Variants in SESN3 observed in about 807,000 individuals in gnomAD.
SESN3 encodes sestrin 3.
SESN3 carries 21 observed loss-of-function variants against 55.3 expected under a neutral mutation model. The ratio of observed to expected loss-of-function variants is 0.38; its 90% CI spans 0.27 to 0.55. SESN3 has a LOEUF of 0.55. Among genes scored for constraint, SESN3 ranks in the 20% least tolerant of loss-of-function variants. The pLI is 0.76. For missense variants in SESN3, 408 were observed against 604.3 expected, an observed-to-expected ratio of 0.68 and a Z score of 3.41; for synonymous variants, 181 against 203.1, an observed-to-expected ratio of 0.89 and a Z score of 0.93.
chr11:95,211,102 G>T (rs561194142), intron 1 of SESN3, among the ~76,000 whole-genome samples: 1 of 152,312 alleles, frequency 6.6e-6, no homozygotes, highest in South Asian at 2.1e-4. Flanking sequence ...ACTTCCTGGT[G>T]CATAGAAAAG....
chr11:95,184,435 A>G lies in SESN3; in HGVS notation c.922T>C (p.Ser308Pro). ...LFVVSGDTFHSFPHSDFEDDM... is the reference protein window; with the variant it reads ...LFVVSGDTFHPFPHSDFEDDM... ...AAAAAAGCACCTGAATGAGGAAATG[A>G]ATGAAAAGTATCTCCAGAGACCACA... Residue 308 changes from serine (S) to proline (P), a missense_variant, in exon 6 of 10, where the codon TCA (serine) becomes CCA (proline). Physicochemically the swap from Ser to Pro is moderately conservative, Grantham distance 74. Around this residue, in one of 4 missense-constraint regions of SESN3, gnomAD observed 119 missense variants for 139.9 expected, o/e 0.85. Coordinates refer to ENST00000536441, the MANE Select transcript of SESN3 (RefSeq NM_144665.4). 6.2e-7 allele frequency: 1 copy of G among 1,613,576 alleles called. No homozygotes were observed. The highest frequency in any genetic ancestry group is 8.5e-7 in the Non-Finnish European group (1 of 1,179,770).
intron 1 of SESN3, among the ~76,000 whole-genome samples, chr11:95,216,543 T>C (rs147842618): frequency 4.9e-4 from 75 of 152,350 alleles, no homozygotes; most frequent in African/African-American, 1.7e-3. Flanking sequence ...AGGTAATTTC[T>C]TATTCAGTGT....
chr11:95,188,731 A>G (rs1425967127), intron 4 of SESN3, among the ~76,000 whole-genome samples: 1 of 151,888 alleles, frequency 6.6e-6, no homozygotes, highest in Non-Finnish European at 1.5e-5. Context: ...CTTTATTCAT[A>G]CATTCATACA....
chr11:95,169,902 T>C lies in SESN3; in HGVS notation c.*3353A>G, dbSNP rs1232852172. On this transcript the variant is annotated 3_prime_UTR_variant, in exon 10 of 10. Coordinates refer to ENST00000536441, the MANE Select transcript of SESN3 (RefSeq NM_144665.4). ...AATAGGAGCTCTGGTTCAAATTTTA[T>C]AGGATTCTTATATAAAACTTATATT... 2 of 152,230 alleles carry C rather than the reference T, an allele frequency of 1.3e-5. No homozygotes were observed. Among genetic ancestry groups the C allele is most frequent in the Admixed American group, 1.3e-4 (2 of 15,274 alleles). The allele number at this position is 152,230 out of a possible 1,614,324, so 9.4% of individuals were successfully genotyped here. A position where few individuals can be genotyped will look rare whatever the true frequency, so the allele number is the denominator to read the frequency against.
At chr11:95,188,968 CA>C (rs1368950021) in intron 4 of SESN3, among the ~76,000 whole-genome samples, 2 of 151,848 alleles carry the variant, frequency 1.3e-5, no homozygotes, top group Admixed American at 1.3e-4. Context: ...GATTCAGCAT[CA>C]AAATCTGAGA....
intron 1 of SESN3, among the ~76,000 whole-genome samples, chr11:95,225,869 T>C (rs1860938335): frequency 6.6e-6 from 1 of 152,198 alleles, no homozygotes; most frequent in South Asian, 2.1e-4. Context: ...ACAATTTTCC[T>C]TAACTCTTAG....
chr11:95,171,660 C>T lies in SESN3; in HGVS notation c.*1595G>A, dbSNP rs1859851466. 6.6e-6 allele frequency: 1 copy of T among 152,046 alleles called. No homozygotes were observed. Among genetic ancestry groups the T allele is most frequent in the Non-Finnish European group, 1.5e-5 (1 of 67,982 alleles). 9.4% of individuals were successfully genotyped at this position (152,046 alleles called of 1,614,324 possible). ...CGGGAACTCTAACAGAAAATTTTAT[C>T]TATATTATTTACTATGAAAAATGGA... On this transcript the variant is annotated 3_prime_UTR_variant, in exon 10 of 10. Coordinates refer to ENST00000536441, the MANE Select transcript of SESN3 (RefSeq NM_144665.4).
At chr11:95,227,347 A>C (rs904246651) in intron 1 of SESN3, among the ~76,000 whole-genome samples, 2 of 152,110 alleles carry the variant, frequency 1.3e-5, no homozygotes, top group Admixed American at 1.3e-4. Context: ...CTGGGACTAC[A>C]GGCACACGAT....
intron 1 of SESN3, among the ~76,000 whole-genome samples, chr11:95,217,480 C>T (rs922192680): frequency 9.2e-5 from 14 of 151,946 alleles, no homozygotes; most frequent in South Asian, 6.2e-4. Flanking sequence ...GTGAAATCCC[C>T]GTCTCTACTA....
chr11:95,184,898 A>C (rs1258397168), intron 5 of SESN3, among the ~76,000 whole-genome samples: 1 of 152,058 alleles, frequency 6.6e-6, no homozygotes, highest in Admixed American at 6.6e-5. Flanking sequence ...GAGGCAGCAC[A>C]ATTGTTTTAC....
intron 1 of SESN3, among the ~76,000 whole-genome samples, chr11:95,197,824 C>G (rs1860390605): frequency 6.6e-6 from 1 of 152,120 alleles, no homozygotes; most frequent in African/African-American, 2.4e-5. Context: ...CGAAAATGAG[C>G]AACCCATGCA....
At chr11:95,202,170 T>G (rs144936905) in intron 1 of SESN3, among the ~76,000 whole-genome samples, 1,894 of 152,170 alleles carry the variant, frequency 0.012, 20 homozygotes, top group Non-Finnish European at 0.022. Flanking sequence ...GACTATAAGC[T>G]CCTTAAAGAG....
At chr11:95,195,412 T>G (rs1437369933) in intron 1 of SESN3, among the ~76,000 whole-genome samples, 2 of 152,198 alleles carry the variant, frequency 1.3e-5, no homozygotes, top group Non-Finnish European at 2.9e-5. Flanking sequence ...AAACTCAATT[T>G]CATTTGTGTC....
intron 6 of SESN3, among the ~76,000 whole-genome samples, chr11:95,182,871 T>A (rs932557817): frequency 6.6e-5 from 10 of 152,126 alleles, no homozygotes; most frequent in African/African-American, 2.4e-4. Flanking sequence ...TGGGCCTGGA[T>A]GCTGTTTACC....
chr11:95,216,207 A>G (rs1479682860), intron 1 of SESN3, among the ~76,000 whole-genome samples: 1 of 152,200 alleles, frequency 6.6e-6, no homozygotes, highest in Admixed American at 6.5e-5. Context: ...ACCTTCTGTC[A>G]AATAGTTGAT....
intron 1 of SESN3, among the ~76,000 whole-genome samples, chr11:95,194,883 C>A (rs1860332663): frequency 6.6e-6 from 1 of 152,112 alleles, no homozygotes; most frequent in African/African-American, 2.4e-5. Flanking sequence ...ATGATCGCAC[C>A]ACTGCACTCC....
At chr11:95,177,525 A>T (rs2134216949) in intron 8 of SESN3, among the ~76,000 whole-genome samples, 194 bp downstream of exon 8, 1 of 152,244 alleles carries the variant, frequency 6.6e-6, no homozygotes, top group South Asian at 2.1e-4. Context: ...CTATATTTAC[A>T]TGTGCATCAA....
At chr11:95,175,727 G>C in intron 8 of SESN3, 85 bp from the exon 9 acceptor site, 1 of 1,103,008 alleles carries the variant, frequency 9.1e-7, no homozygotes, top group Non-Finnish European at 1.3e-6. Flanking sequence ...TTATTGTCTA[G>C]TAATTAAATA....
chr11:95,230,992 G>T lies in SESN3; in HGVS notation c.-132C>A, dbSNP rs951341822. ...CTCAGCCTCCTCAAGGCGGGATGTCGGGAGGAGAGGCGACTGCCTGAAAGC... is the reference window on the plus strand; with the variant it reads ...CTCAGCCTCCTCAAGGCGGGATGTCTGGAGGAGAGGCGACTGCCTGAAAGC... On this transcript the variant is annotated 5_prime_UTR_variant, in exon 1 of 10. Coordinates refer to ENST00000536441, the MANE Select transcript of SESN3 (RefSeq NM_144665.4). This position sits in a 1 kb window ranked among gnomAD's most constrained non-coding sequence, Gnocchi z 4.6. 3.9e-6 allele frequency: 2 copies of T among 515,722 alleles called. No individual in the cohort carries two copies. The highest frequency in any genetic ancestry group is 2.0e-5 in the African/African-American group (1 of 49,564). 31.9% of individuals were successfully genotyped at this position (515,722 alleles called of 1,614,324 possible). A position where few individuals can be genotyped will look rare whatever the true frequency, so the allele number is the denominator to read the frequency against.
Sources: gnomAD v4.1 joint callset for allele counts (sites outside exome capture counted in the v4.1 genomes callset) on GRCh38, gnomAD v4.1.1 for gene constraint, gnomAD v4.1.1 regional missense constraint, Gnocchi (gnomAD v3.1) non-coding constraint, MANE v1.5 for transcripts, NCBI Gene and HGNC (gene_info 2026-07-23, HGNC 2026-07-21) for gene names.